The following CCDC141 variants were observed in gnomAD, a reference collection of about 807,000 sequenced individuals.
CCDC141 encodes coiled-coil domain containing 141.
A neutral mutation model predicts 181.0 loss-of-function variants in CCDC141; 168 were observed. The observed-to-expected ratio is 0.93, with a 90% CI of 0.82 to 1.05. The LOEUF is 1.05. Among genes scored for constraint, CCDC141 ranks in the 50% least tolerant of loss-of-function variants. The probability of loss-of-function intolerance (pLI) is 0.00; values close to 1 mark genes in which losing one functional copy is unlikely to be tolerated. For missense variants in CCDC141, 1,902 were observed against 1,788.5 expected, an observed-to-expected ratio of 1.06 and a Z score of -1.14; for synonymous variants, 666 against 642.3, an observed-to-expected ratio of 1.04 and a Z score of -0.56.
At chr2:178,867,132 C>G (rs911369161) in intron 16 of CCDC141, among the ~76,000 whole-genome samples, 4 of 152,204 alleles carry the variant, frequency 2.6e-5, no homozygotes, top group Non-Finnish European at 5.9e-5. Flanking sequence ...ATCCAACCAG[C>G]CCTGGCTAGA....
chr2:178,945,785 CAGGTAGCCA>C (rs1689705221), intron 5 of CCDC141, among the ~76,000 whole-genome samples: 2 of 152,038 alleles, frequency 1.3e-5, no homozygotes, highest in South Asian at 4.2e-4. Context: ...ATGTGTACAA[CAGGTAGCCA>C]AGGAGAACTC....
chr2:178,933,963 GT>G (rs1553486117), intron 6 of CCDC141, among the ~76,000 whole-genome samples: 1 of 152,140 alleles, frequency 6.6e-6, no homozygotes, highest in African/African-American at 2.4e-5. Flanking sequence ...AAATCTTCTA[GT>G]TTTTTTAAAG....
chr2:178,964,352 C>T (rs924843030), intron 4 of CCDC141, among the ~76,000 whole-genome samples: 8 of 152,160 alleles, frequency 5.3e-5, no homozygotes, highest in Non-Finnish European at 8.8e-5. Flanking sequence ...CTAACTCTTA[C>T]ACATTAGACT....
chr2:178,886,807 CG>C lies in CCDC141; in HGVS notation c.1471del (p.Arg491ValfsTer8). The C allele has an allele frequency of 6.8e-7, 1 of 1,477,550 alleles. No individual in the cohort carries two copies. 91.5% of individuals were successfully genotyped at this position (1,477,550 alleles called of 1,614,324 possible). ...ATTCAAAATCTTCTCTGATTCAGAA[CG>C]GGTAGAACCAACATCCATTGCATTA... ...LSNAMDVGST[R>X]SESEKILNKY... On this transcript the variant is annotated frameshift_variant, in exon 10 of 24. Transcript: ENST00000443758. LOFTEE classifies it high-confidence loss of function.
intron 2 of CCDC141, among the ~76,000 whole-genome samples, chr2:179,016,811 G>C (rs2042556664): frequency 6.6e-6 from 1 of 152,004 alleles, no homozygotes; most frequent in African/African-American, 2.4e-5. Flanking sequence ...TTGGCATCAG[G>C]GTGGATGGTA....
In CCDC141 at chr2:178,850,145, C is replaced by G; in HGVS notation, c.3261G>C (p.Gln1087His). The change falls in exon 21 of 24, where the codon CAG (glutamine) becomes CAC (histidine). Residue 1087 changes from glutamine to histidine, a missense_variant. Gln to His is a conservative substitution (Grantham distance 24). Coordinates refer to ENST00000443758, the MANE Select transcript of CCDC141 (RefSeq NM_173648.4). ...AQHLYGLEEGQKYIEKIVTKH... is the reference protein window; with the variant it reads ...AQHLYGLEEGHKYIEKIVTKH... ...TTGTCACTATTTTCTCAATATATTT[C>G]TGTCCTTCTTCCAAACCTGGGGAGG... 2 of 1,602,894 alleles carry G rather than the reference C, an allele frequency of 1.2e-6. No homozygotes were observed. The highest frequency in any genetic ancestry group is 1.1e-5 in the South Asian group (1 of 89,520).
At chr2:179,033,178 T>C (rs967455903) in intron 2 of CCDC141, among the ~76,000 whole-genome samples, 18 of 151,816 alleles carry the variant, frequency 1.2e-4, no homozygotes, top group African/African-American at 4.1e-4. Flanking sequence ...GGACAGTTGG[T>C]TCTTCACATC....
At chr2:178,816,768 T>A in the CCDC141 span, among the ~76,000 whole-genome samples, 1 of 152,156 alleles carries the variant, frequency 6.6e-6, no homozygotes, top group East Asian at 1.9e-4. Flanking sequence ...TTTTTTACCA[T>A]AATAAAATAA....
intron 8 of CCDC141, among the ~76,000 whole-genome samples, chr2:178,898,771 A>C (rs569433228): frequency 1.3e-5 from 2 of 152,308 alleles, no homozygotes; most frequent in South Asian, 4.1e-4. Flanking sequence ...AGGAGGCTTC[A>C]TCTCAGATAA....
At chr2:178,878,659 C>G (rs146450058) in intron 11 of CCDC141, among the ~76,000 whole-genome samples, 133 of 152,066 alleles carry the variant, frequency 8.7e-4, no homozygotes, top group African/African-American at 3.1e-3. Flanking sequence ...ATATTTTCAA[C>G]TTATTGAAAA....
intron 22 of CCDC141, among the ~76,000 whole-genome samples, chr2:178,844,241 T>C (rs1684843002): frequency 6.6e-6 from 1 of 152,166 alleles, no homozygotes; most frequent in African/African-American, 2.4e-5. Flanking sequence ...TAGTAACTCT[T>C]AGAAACCTTT....
At chr2:178,884,665 C>T (rs1686794093) in intron 11 of CCDC141, among the ~76,000 whole-genome samples, 2 of 152,104 alleles carry the variant, frequency 1.3e-5, no homozygotes, top group Admixed American at 1.3e-4. Context: ...CACAGGTGCT[C>T]CTGGGATTTT....
At chr2:178,981,525 T>C (rs1354131027) in intron 2 of CCDC141, among the ~76,000 whole-genome samples, 3 of 150,948 alleles carry the variant, frequency 2.0e-5, no homozygotes, top group Admixed American at 6.6e-5. Context: ...CTCAGGGAAA[T>C]ACAAATATTT....
At position 178,878,300 on chromosome 2, in the gene CCDC141, T is replaced by TTTTATTTTA. The variant is rs143314335; in HGVS notation, c.1720-158_1720-157insTAAAATAAA. 1.3e-4 allele frequency among the ~76,000 whole-genome samples: 18 copies of TTTTATTTTA among 142,964 alleles called. 1 individual carries two copies. Among genetic ancestry groups the TTTTATTTTA allele is most frequent in the African/African-American group, 4.1e-4 (16 of 39,062 alleles). 93.8% of individuals were successfully genotyped at this position (142,964 alleles called of 152,430 possible). On this transcript the variant is annotated intron_variant, in intron 11 of 23. Coordinates refer to ENST00000443758, the MANE Select transcript of CCDC141 (RefSeq NM_173648.4). ...ATTTATTTATTTATTTATTTATTTA[T>TTTTATTTTA]TTTATTTATTTTAAGAGATAAGGTC...
chr2:178,978,728 A>G, intron 2 of CCDC141, 53 bp from the exon 3 acceptor site: 2 of 1,325,342 alleles, frequency 1.5e-6, no homozygotes, highest in Non-Finnish European at 2.0e-6. Context: ...ATGTAAGAAC[A>G]CAGGATCACA....
At chr2:178,842,175 A>G (rs1684753585) in intron 22 of CCDC141, among the ~76,000 whole-genome samples, 1 of 152,220 alleles carries the variant, frequency 6.6e-6, no homozygotes, top group South Asian at 2.1e-4. Context: ...AGTTCTGGCA[A>G]AATAGCTGGG....
At chr2:178,836,714 G>A (rs1684489004) in intron 23 of CCDC141, 180 bp downstream of exon 23, 1 of 621,026 alleles carries the variant, frequency 1.6e-6, no homozygotes, top group Non-Finnish European at 2.7e-6. Context: ...TTTCTTAAAG[G>A]TATTAACTAT....
intron 4 of CCDC141, among the ~76,000 whole-genome samples, chr2:178,971,722 A>C (rs1337929546): frequency 6.6e-6 from 1 of 152,172 alleles, no homozygotes; most frequent in Non-Finnish European, 1.5e-5. Flanking sequence ...ACATATACAC[A>C]CACCATAGAA....
At chr2:178,918,975 G>A (rs1025438951) in intron 6 of CCDC141, 68 bp from the exon 7 acceptor site, 27 of 1,346,130 alleles carry the variant, frequency 2.0e-5, no homozygotes, top group Middle Eastern at 1.9e-4. Context: ...GTGTCCCCCC[G>A]AAATTCCTCT....
Sources: allele counts gnomAD v4.1 joint callset (sites outside exome capture counted in the v4.1 genomes callset), GRCh38; gene constraint gnomAD v4.1.1; transcripts MANE v1.5; gene names NCBI Gene and HGNC (gene_info 2026-07-23, HGNC 2026-07-21).